The following PHF24 variants were observed in gnomAD, a reference collection of about 807,000 sequenced individuals.
PHF24 encodes Galpha inhibitory interacting protein.
A neutral mutation model predicts 42.6 loss-of-function variants in PHF24; 25 were observed. The observed-to-expected ratio is 0.59, with a 90% CI of 0.43 to 0.82. The LOEUF is 0.82. Ranked by LOEUF, PHF24 falls within the 40% of genes least tolerant of loss-of-function variation. The pLI is 0.00. For missense variants in PHF24, 470 were observed against 538.1 expected (o/e 0.87, Z 1.25); for synonymous variants, 185 against 204.8 (o/e 0.90, Z 0.83).
the PHF24 span, among the ~76,000 whole-genome samples, chr9:34,862,350 C>G: frequency 1.3e-5 from 2 of 152,104 alleles, no homozygotes; most frequent in African/African-American, 4.8e-5. Context: ...CACCACCCCT[C>G]CACAACCCCA....
the PHF24 span, among the ~76,000 whole-genome samples, chr9:34,811,397 A>G: frequency 6.6e-6 from 1 of 152,182 alleles, no homozygotes; most frequent in Non-Finnish European, 1.5e-5. Flanking sequence ...ATTAATTGAC[A>G]TTATCTCTGG....
At chr9:34,954,917 A>G (rs1826335057), upstream of PHF24, among the ~76,000 whole-genome samples, 1 of 152,248 alleles carries the variant, frequency 6.6e-6, no homozygotes, top group Non-Finnish European at 1.5e-5. Flanking sequence ...ACATCTAAGA[A>G]TTTAGTTACT....
chr9:34,890,239 T>C, the PHF24 span, among the ~76,000 whole-genome samples: 1 of 152,242 alleles, frequency 6.6e-6, no homozygotes, highest in Admixed American at 6.5e-5. Context: ...GTGTTCTCTC[T>C]GGCTGGGGAG....
chr9:34,868,986 T>C, the PHF24 span, among the ~76,000 whole-genome samples: 13 of 152,202 alleles, frequency 8.5e-5, no homozygotes, highest in East Asian at 1.2e-3. Flanking sequence ...CTCCCACTTA[T>C]AAGTGAGAAC....
At chr9:34,800,243 G>A in the PHF24 span, among the ~76,000 whole-genome samples, 2 of 152,192 alleles carry the variant, frequency 1.3e-5, no homozygotes, top group South Asian at 2.1e-4. Flanking sequence ...ATGGTGTGAG[G>A]TAATGAAGAT....
the PHF24 span, among the ~76,000 whole-genome samples, chr9:34,747,875 A>C: frequency 2.0e-5 from 3 of 152,346 alleles, no homozygotes; most frequent in Admixed American, 2.0e-4. Flanking sequence ...CATTTATAAT[A>C]ATCTCAAACC....
the PHF24 span, among the ~76,000 whole-genome samples, chr9:34,708,851 C>T: frequency 2.6e-5 from 4 of 152,300 alleles, no homozygotes; most frequent in Admixed American, 2.6e-4. Flanking sequence ...CTCCCTTTAA[C>T]TGCTCAGGGG....
At chr9:34,949,358 G>T in the PHF24 span, among the ~76,000 whole-genome samples, 1 of 152,100 alleles carries the variant, frequency 6.6e-6, no homozygotes, top group Non-Finnish European at 1.5e-5. Flanking sequence ...ACAGATGCTG[G>T]CGAGGATGTG....
At chr9:34,710,710 A>G in the PHF24 span, among the ~76,000 whole-genome samples, 11 of 151,794 alleles carry the variant, frequency 7.2e-5, no homozygotes, top group African/African-American at 2.7e-4. Flanking sequence ...CTGGGCTCAA[A>G]TGATCTGCCT....
At chr9:34,976,672 G>A (rs201407731) in exon 5 of PHF24, 29 of 1,614,076 alleles carry the variant, frequency 1.8e-5, no homozygotes, top group Non-Finnish European at 9.3e-6. Flanking sequence ...TGAACATCGA[G>A]GCCACATAGA....
At chr9:34,753,989 T>C in the PHF24 span, among the ~76,000 whole-genome samples, 1 of 151,762 alleles carries the variant, frequency 6.6e-6, no homozygotes, top group Admixed American at 6.6e-5. Flanking sequence ...AGTCAATCGA[T>C]TGGGTCTAGT....
intron 3 of PHF24, among the ~76,000 whole-genome samples, chr9:34,973,091 A>G (rs572191143): frequency 2.0e-5 from 3 of 152,260 alleles, no homozygotes; most frequent in South Asian, 4.1e-4. Context: ...GGTAGCATAC[A>G]TCTCAATGTG....
the PHF24 span, among the ~76,000 whole-genome samples, chr9:34,716,771 C>G: frequency 1.3e-5 from 2 of 151,890 alleles, no homozygotes; most frequent in Non-Finnish European, 2.9e-5. Context: ...TTTTATTTTA[C>G]TTTTGTACAT....
chr9:34,761,847 T>TC, the PHF24 span, among the ~76,000 whole-genome samples: 1 of 151,964 alleles, frequency 6.6e-6, no homozygotes, highest in Non-Finnish European at 1.5e-5. Flanking sequence ...CCCTCCCCAC[T>TC]CCCCCTACCC....
chr9:34,771,180 A>C, the PHF24 span, among the ~76,000 whole-genome samples: 1 of 152,248 alleles, frequency 6.6e-6, no homozygotes, highest in Admixed American at 6.5e-5. Context: ...ACGAGGATAC[A>C]TTCTGACAAA....
chr9:34,935,180 G>A, the PHF24 span, among the ~76,000 whole-genome samples: 1 of 152,202 alleles, frequency 6.6e-6, no homozygotes, highest in Non-Finnish European at 1.5e-5. Flanking sequence ...CATGTAAGAT[G>A]TGGATTGAGA....
At chr9:34,818,194 T>C in the PHF24 span, among the ~76,000 whole-genome samples, 1 of 152,212 alleles carries the variant, frequency 6.6e-6, no homozygotes, top group African/African-American at 2.4e-5. Context: ...TTTTATTGCA[T>C]TGGCTAACTT....
At chr9:34,767,515 G>C in the PHF24 span, among the ~76,000 whole-genome samples, 1 of 152,234 alleles carries the variant, frequency 6.6e-6, no homozygotes, top group Non-Finnish European at 1.5e-5. Context: ...AGCCAGGTGC[G>C]GGATATAGTC....
At chr9:34,746,855 G>T in the PHF24 span, among the ~76,000 whole-genome samples, 1 of 152,070 alleles carries the variant, frequency 6.6e-6, no homozygotes, top group African/African-American at 2.4e-5. Flanking sequence ...CCATCCTGTT[G>T]CTTTAGGGTG....
Sources: allele counts gnomAD v4.1 joint callset (sites outside exome capture counted in the v4.1 genomes callset), GRCh38; gene constraint gnomAD v4.1.1; transcripts MANE v1.5; gene names NCBI Gene and HGNC (gene_info 2026-07-23, HGNC 2026-07-21).